Variants in GJA9 observed in about 807,000 individuals in gnomAD.
The protein encoded by GJA9 is gap junction protein alpha 9.
Under a neutral mutation model 0.4 loss-of-function variants are expected in GJA9, and 1 was observed. That is an observed-to-expected ratio of 2.50 (90% CI 0.89 to 11.88). The LOEUF (loss-of-function observed/expected upper bound fraction) is 11.88. Ranked by LOEUF, GJA9 falls within the 30% of genes most tolerant of loss-of-function variation. The pLI is 0.12. For synonymous variants in GJA9, 190 were observed against 219.1 expected (o/e 0.87, Z 1.17); for missense variants, 550 against 602.8 (o/e 0.91, Z 0.92).
rs747787069 is a variant in GJA9, at chr1:38,875,996, G to A, written c.103C>T (p.Leu35Phe). 3 of 1,614,066 alleles carry A rather than the reference G, an allele frequency of 1.9e-6. No homozygotes were observed. Among genetic ancestry groups the A allele is most frequent in the Non-Finnish European group, 2.5e-6 (3 of 1,180,038 alleles). The change falls in exon 2 of 2, where the codon CTT becomes TTT. Residue 35 changes from leucine to phenylalanine, a missense_variant. Physicochemically the swap from Leu to Phe is conservative, Grantham distance 22. Transcript: ENST00000357771. ...TCTTCAGCTGCTACACCCAGAACAA[G>A]CATTCGAAATATGAACAGGATGGTG... ...WLTILFIFRM[L>F]VLGVAAEDVW...
Position 38,881,040 on chromosome 1 carries a change from G to A in GJA9, c.-96+392C>T, listed in dbSNP as rs1230106341. Reference sequence around the variant, plus strand: ...TGATGTTATAAAATAGAATAATATGGCCCCATTATTATAAGTTTAGTTACA... The same window carrying A: ...TGATGTTATAAAATAGAATAATATGACCCCATTATTATAAGTTTAGTTACA... On this transcript the variant is annotated intron_variant, in intron 1 of 1. Coordinates refer to ENST00000357771, the MANE Select transcript of GJA9 (RefSeq NM_030772.5). Among the ~76,000 whole-genome samples, 3 of 151,816 alleles carry A rather than the reference G, an allele frequency of 2.0e-5. No homozygotes were observed. In the East Asian group the frequency reaches 5.8e-4, roughly 29 times the overall value.
Position 38,874,830 on chromosome 1 carries a change from T to C in GJA9, c.1269A>G (p.Arg423=). 6.2e-7 allele frequency: 1 copy of C among 1,614,166 alleles called. No individual in the cohort carries two copies. Among genetic ancestry groups the C allele is most frequent in the South Asian group, 1.1e-5 (1 of 91,086 alleles). The stretch of plus-strand genomic sequence containing the variant: ...GTTCTGTAGAGGAACCCCATGTAGC[T>C]CTAAGCCACCGCGGTTTCCAATCGC... ...ANCDWKPRWL[R]ATWGSSTEHE... Residue 423 remains arginine, a synonymous_variant, in exon 2 of 2, where the codon AGA becomes AGG. Coordinates refer to ENST00000357771, the MANE Select transcript of GJA9 (RefSeq NM_030772.5).
At position 38,874,839 on chromosome 1, in the gene GJA9, C is replaced by T. The variant is rs1476513788; in HGVS notation, c.1260G>A (p.Arg420=). 2 of 1,614,194 alleles carry T rather than the reference C, an allele frequency of 1.2e-6. No homozygotes were observed. The highest frequency in any genetic ancestry group is 1.7e-6 in the Non-Finnish European group (2 of 1,180,042). Residue 420 remains arginine (R), a synonymous_variant, in exon 2 of 2, where the codon CGG becomes CGA. Transcript: ENST00000357771. ...AGGAACCCCATGTAGCTCTAAGCCACCGCGGTTTCCAATCGCAGTTAGCTG... is the reference window on the plus strand; with the variant it reads ...AGGAACCCCATGTAGCTCTAAGCCATCGCGGTTTCCAATCGCAGTTAGCTG... ...SLPANCDWKP[R]WLRATWGSST...
At chr1:38,878,520 A>G (rs1001189791) in intron 1 of GJA9, among the ~76,000 whole-genome samples, 18 of 150,844 alleles carry the variant, frequency 1.2e-4, no homozygotes, top group Non-Finnish European at 2.7e-4. Context: ...CTACAAAAAT[A>G]CAAAAAATTA....
intron 1 of GJA9, among the ~76,000 whole-genome samples, chr1:38,879,408 GGTAA>G (rs891580532): frequency 4.3e-4 from 66 of 152,250 alleles, no homozygotes; most frequent in African/African-American, 1.5e-3. Flanking sequence ...AATCCTATGC[GGTAA>G]GTATGTTGTT....
chr1:38,875,825 A>C lies in GJA9; in HGVS notation c.274T>G (p.Tyr92Asp), dbSNP rs750293236. ...VIFVSSPSLVYMGHALYRLRV... is the reference protein window; with the variant it reads ...VIFVSSPSLVDMGHALYRLRV... ...AGTCGGTACAATGCATGGCCCATGT[A>C]GACCAGGGATGGTGAAGACACAAAT... Residue 92 changes from tyrosine to aspartate, a missense_variant, in exon 2 of 2, where the codon TAC becomes GAC. Coordinates refer to ENST00000357771, the MANE Select transcript of GJA9 (RefSeq NM_030772.5). 5 of 1,614,106 alleles carry C rather than the reference A, an allele frequency of 3.1e-6. No individual in the cohort carries two copies. The African/African-American group carries it at 4.0e-5, about 13-fold the overall frequency.
intron 1 of GJA9, among the ~76,000 whole-genome samples, chr1:38,878,421 C>A (rs1642629311): frequency 1.3e-5 from 2 of 151,616 alleles, no homozygotes; most frequent in Admixed American, 1.3e-4. Context: ...TGGCTCACAC[C>A]TGTAATCCCA....
In GJA9 at chr1:38,881,578, T is replaced by C; in HGVS notation, c.-242A>G. ...TGTAGTGAGTGAGTCATCCATCAACTAAAATCCATGTCCCTTTCTGCTTAT... is the reference window on the plus strand; with the variant it reads ...TGTAGTGAGTGAGTCATCCATCAACCAAAATCCATGTCCCTTTCTGCTTAT... On this transcript the variant is annotated 5_prime_UTR_variant, in exon 1 of 2. Coordinates refer to ENST00000357771, the MANE Select transcript of GJA9 (RefSeq NM_030772.5). 1.5e-6 allele frequency: 1 copy of C among 670,432 alleles called. No homozygotes were observed. Among genetic ancestry groups the C allele is most frequent in the Non-Finnish European group, 2.7e-6 (1 of 369,604 alleles). The allele number at this position is 670,432 out of a possible 1,614,324, so 41.5% of individuals were successfully genotyped here. A position where few individuals can be genotyped will look rare whatever the true frequency, so the allele number is the denominator to read the frequency against.
intron 1 of GJA9, among the ~76,000 whole-genome samples, chr1:38,877,163 C>T (rs990880706): frequency 2.0e-4 from 31 of 151,580 alleles, no homozygotes; most frequent in African/African-American, 7.5e-4. Flanking sequence ...CCTCAGCCTC[C>T]TGAGTAGCTG....
At chr1:38,880,188 A>T (rs1001674950) in intron 1 of GJA9, among the ~76,000 whole-genome samples, 9 of 147,110 alleles carry the variant, frequency 6.1e-5, no homozygotes, top group African/African-American at 2.2e-4. Context: ...GGATCACTTG[A>T]GGTCAGGAGT....
intron 1 of GJA9, among the ~76,000 whole-genome samples, chr1:38,880,413 AAATAATAATAATAATAATAAT>A (rs201524082): frequency 3.3e-5 from 4 of 119,788 alleles, no homozygotes; most frequent in East Asian, 2.4e-4. Context: ...AAAAAAAAAT[AAATAATAATAATAATAATAAT>A]AATAATAATA....
rs1428450379 is a variant in GJA9, at chr1:38,881,578, TA to T, written c.-243del. 4 of 670,314 alleles carry T rather than the reference TA, an allele frequency of 6.0e-6. No homozygotes were observed. The highest frequency in any genetic ancestry group is 1.1e-5 in the Non-Finnish European group (4 of 369,612). The allele number at this position is 670,314 out of a possible 1,614,324, so 41.5% of individuals were successfully genotyped here. A position where few individuals can be genotyped will look rare whatever the true frequency, so the allele number is the denominator to read the frequency against. ...TGTAGTGAGTGAGTCATCCATCAAC[TA>T]AAATCCATGTCCCTTTCTGCTTATC... On this transcript the variant is annotated 5_prime_UTR_variant, in exon 1 of 2. An upstream open reading frame in the 5' UTR loses its in-frame stop. Coordinates refer to ENST00000357771, the MANE Select transcript of GJA9 (RefSeq NM_030772.5).
Position 38,876,081 on chromosome 1 carries a change from G to A in GJA9, c.18C>T (p.Leu6=), listed in dbSNP as rs766850745. Residue 6 remains leucine, a synonymous_variant, in exon 2 of 2, where the codon CTC becomes CTT. Transcript: ENST00000357771. MGDWN[L]LGDTLEEVHI... ...GAACTTCCTCCAGAGTATCTCCAAG[G>A]AGATTCCAGTCCCCCATGTTTATTT... 4 of 1,613,518 alleles carry A rather than the reference G, an allele frequency of 2.5e-6. No homozygotes were observed. The highest frequency in any genetic ancestry group is 3.4e-6 in the Non-Finnish European group (4 of 1,179,568).
chr1:38,879,634 A>G (rs994614307), intron 1 of GJA9, among the ~76,000 whole-genome samples: 1 of 152,256 alleles, frequency 6.6e-6, no homozygotes, highest in Admixed American at 6.5e-5. Context: ...TTAATCATTT[A>G]AATTTAGGAA....
At chr1:38,881,310 C>A in intron 1 of GJA9, 122 bp downstream of exon 1, 2 of 506,076 alleles carry the variant, frequency 4.0e-6, no homozygotes, top group Non-Finnish European at 7.0e-6. Context: ...TTAAAGCTTT[C>A]ATAGCAAATG....
chr1:38,878,474 C>T (rs1642631590), intron 1 of GJA9, among the ~76,000 whole-genome samples: 1 of 150,774 alleles, frequency 6.6e-6, no homozygotes, highest in Non-Finnish European at 1.5e-5. Flanking sequence ...GTCAGGAGTT[C>T]GAGACCAGCC....
rs763015054 is a variant in GJA9 at position 38,874,738 on chromosome 1, G to C, written c.1361C>G (p.Thr454Ser). 1.2e-6 allele frequency: 2 copies of C among 1,614,082 alleles called. No individual in the cohort carries two copies. The highest frequency in any genetic ancestry group is 1.7e-6 in the Non-Finnish European group (2 of 1,180,040). ...AGAATCTCCTTGTGAAGGAGGAAGG[G>C]TTCTGACTGTGCCCTTTCTGAACTG... Reference protein sequence around the residue: ...KGQFRKGTVRTLPPSQGDSQS... With the variant: ...KGQFRKGTVRSLPPSQGDSQS... Residue 454 changes from threonine (T) to serine (S), a missense_variant, in exon 2 of 2, where the codon ACC (threonine) becomes AGC (serine). Transcript: ENST00000357771.
rs1557602412 is a variant in GJA9, at chr1:38,880,419, T to TAAAAA, written c.-96+1012_-96+1013insTTTTT. ...CTCTGTCTCAAAAAAAAATAAATAA[T>TAAAAA]AATAATAATAATAATAATAATAATA... On this transcript the variant is annotated intron_variant, in intron 1 of 1. Coordinates refer to ENST00000357771, the MANE Select transcript of GJA9 (RefSeq NM_030772.5). Among the ~76,000 whole-genome samples the TAAAAA allele has an allele frequency of 1.4e-4, 5 of 36,558 alleles. 1 individual carries two copies. The allele number at this position is 36,558 out of a possible 152,430, so 24.0% of individuals were successfully genotyped here.
intron 1 of GJA9, among the ~76,000 whole-genome samples, chr1:38,877,040 CTT>C (rs774625707): frequency 2.8e-4 from 35 of 124,468 alleles, no homozygotes; most frequent in Admixed American, 2.5e-4. Flanking sequence ...AAATTATATT[CTT>C]TTTTTTTTTT....
Sources: gnomAD v4.1 joint callset for allele counts (sites outside exome capture counted in the v4.1 genomes callset) on GRCh38, gnomAD v4.1.1 for gene constraint, MANE v1.5 for transcripts, NCBI Gene and HGNC (gene_info 2026-07-23, HGNC 2026-07-21) for gene names.